The following TCTN2 variants were observed in gnomAD, a reference collection of about 807,000 sequenced individuals.
TCTN2 encodes the protein tectonic-2.
A neutral mutation model predicts 83.4 loss-of-function variants in TCTN2; 66 were observed. That is an observed-to-expected ratio of 0.79 (90% CI 0.65 to 0.97). The LOEUF (loss-of-function observed/expected upper bound fraction) is 0.97, where lower values mean the gene tolerates loss of function less well. Ranked by LOEUF, TCTN2 falls within the 50% of genes least tolerant of loss-of-function variation. TCTN2 has a pLI of 0.00. For synonymous variants in TCTN2, 301 were observed against 326.7 expected (o/e 0.92, Z 0.85); for missense variants, 794 against 858.1 (o/e 0.93, Z 0.93).
chr12:123,697,394 T>G (rs1007353420), intron 13 of TCTN2, among the ~76,000 whole-genome samples, 196 bp downstream of exon 13: 3 of 152,254 alleles, frequency 2.0e-5, no homozygotes, highest in Admixed American at 6.5e-5. Context: ...AAACTTTTTC[T>G]TGGGACTAAA....
intron 4 of TCTN2, among the ~76,000 whole-genome samples, chr12:123,677,872 C>T (rs1158872190): frequency 1.3e-5 from 2 of 152,148 alleles, no homozygotes; most frequent in African/African-American, 4.8e-5. Context: ...TCAGGTGATT[C>T]CCCCGCCTTG....
At position 123,706,982 on chromosome 12, in the gene TCTN2, T is replaced by C. The variant is rs770744146; in HGVS notation, c.1896-3T>C. On this transcript the variant is annotated splice_polypyrimidine_tract_variant and splice_region_variant and intron_variant, in intron 16 of 17. Coordinates refer to ENST00000303372, the MANE Select transcript of TCTN2 (RefSeq NM_024809.5). ...TTTTGTAACCCTCTAAAATGTTTTC[T>C]AGATTCCAGATCAATTATACAGAGT... 6.2e-7 allele frequency: 1 copy of C among 1,614,166 alleles called. No homozygotes were observed. Among genetic ancestry groups the C allele is most frequent in the South Asian group, 1.1e-5 (1 of 91,080 alleles).
chr12:123,676,798 T>A (rs1235908946), intron 4 of TCTN2, among the ~76,000 whole-genome samples: 1 of 152,042 alleles, frequency 6.6e-6, no homozygotes, highest in African/African-American at 2.4e-5. Context: ...CCAGTAACAA[T>A]GAAGCCAGCG....
At chr12:123,683,100 G>A (rs925833942) in intron 5 of TCTN2, among the ~76,000 whole-genome samples, 23 of 151,430 alleles carry the variant, frequency 1.5e-4, no homozygotes, top group Admixed American at 1.5e-3. Flanking sequence ...GCCGGTGCCT[G>A]TAGTCCCAGC....
chr12:123,706,682 A>G (rs2135862200), intron 15 of TCTN2, 44 bp from the exon 16 acceptor site: 2 of 1,613,526 alleles, frequency 1.2e-6, no homozygotes, highest in East Asian at 2.2e-5. Flanking sequence ...GGTGGAATAG[A>G]ACTGAATGGT....
chr12:123,704,572 C>T lies in TCTN2; in HGVS notation c.1653C>T (p.Ser551=). ...APDPGADPLA[S]SVNGMCLDIP... ...ATCCAGGTGCAGACCCGCTGGCTAG[C>T]AGTGTGAACGGCATGTGCCTGGATA... Residue 551 remains serine (S), a synonymous_variant, in exon 15 of 18, where the codon AGC becomes AGT. Transcript: ENST00000303372. The T allele has an allele frequency of 6.2e-7, 1 of 1,613,304 alleles. No individual in the cohort carries two copies. Among genetic ancestry groups the T allele is most frequent in the Non-Finnish European group, 8.5e-7 (1 of 1,179,864 alleles).
At chr12:123,684,248 G>A (rs1446226166) in intron 5 of TCTN2, among the ~76,000 whole-genome samples, 1 of 151,926 alleles carries the variant, frequency 6.6e-6, no homozygotes, top group Non-Finnish European at 1.5e-5. Context: ...GTTTCCTTTG[G>A]TTTTTTTGGT....
chr12:123,676,375 T>C (rs1278465036), intron 4 of TCTN2, among the ~76,000 whole-genome samples: 1 of 151,934 alleles, frequency 6.6e-6, no homozygotes, highest in Non-Finnish European at 1.5e-5. Context: ...GAGACCATTC[T>C]GGCTAACACG....
Position 123,697,069 on chromosome 12 carries a change from A to G in TCTN2, c.1394-18A>G. The stretch of plus-strand genomic sequence containing the variant: ...GTTTAGCAAAAAGTAGCAAGAGGAT[A>G]ATCTTTTTCTTTTATAGCTGGAAGG... On this transcript the variant is annotated intron_variant, in intron 12 of 17. Transcript: ENST00000303372. 6.3e-7 allele frequency: 1 copy of G among 1,587,470 alleles called. No individual in the cohort carries two copies. Among genetic ancestry groups the G allele is most frequent in the Middle Eastern group, 1.7e-4 (1 of 6,012 alleles).
intron 5 of TCTN2, among the ~76,000 whole-genome samples, chr12:123,684,399 C>CTT (rs528065302): frequency 1.2e-3 from 151 of 127,796 alleles, no homozygotes; most frequent in African/African-American, 4.1e-3. Flanking sequence ...TATTGTCATT[C>CTT]TTTTTTTTTT....
chr12:123,690,583 C>A lies in TCTN2; in HGVS notation c.942C>A (p.His314Gln). ...CMQNAPVAFL[H>Q]NFDVKCVTNL... ...AGAACGCCCCAGTGGCATTTCTTCA[C>A]AATTTTGATGTTAAATGCGTTACTA... is the stretch of plus-strand genomic sequence containing the variant. Residue 314 changes from histidine (H) to glutamine (Q), a missense_variant, in exon 8 of 18, where the codon CAC becomes CAA. His to Gln is a conservative substitution (Grantham distance 24, BLOSUM62 0). Coordinates refer to ENST00000303372, the MANE Select transcript of TCTN2 (RefSeq NM_024809.5). 6.2e-7 allele frequency: 1 copy of A among 1,614,180 alleles called. No individual in the cohort carries two copies. Among genetic ancestry groups the A allele is most frequent in the Non-Finnish European group, 8.5e-7 (1 of 1,180,034 alleles).
chr12:123,687,297 T>C (rs1274406907), intron 6 of TCTN2, among the ~76,000 whole-genome samples: 1 of 152,172 alleles, frequency 6.6e-6, no homozygotes, highest in Non-Finnish European at 1.5e-5. Context: ...TGGTGGCTCA[T>C]GGGAGATTTT....
intron 9 of TCTN2, among the ~76,000 whole-genome samples, chr12:123,693,854 G>T (rs1243780955): frequency 6.7e-6 from 1 of 150,250 alleles, no homozygotes; most frequent in Non-Finnish European, 1.5e-5. Flanking sequence ...GTCTTGCTCT[G>T]TCGCCCAGGC....
intron 10 of TCTN2, 107 bp downstream of exon 10, chr12:123,695,083 C>T (rs945876277): frequency 2.0e-6 from 3 of 1,493,636 alleles, no homozygotes; most frequent in Non-Finnish European, 2.8e-6. Flanking sequence ...GGACTTGTTT[C>T]TTATGTGCAT....
In TCTN2 at chr12:123,686,779, G is replaced by A. The variant is rs910833348; in HGVS notation, c.565-57G>A. 11 of 1,562,880 alleles carry A rather than the reference G, an allele frequency of 7.0e-6. No individual in the cohort carries two copies. The African/African-American group carries it at 8.1e-5, about 12-fold the overall frequency. ...TTAAATAAGAGTTAGCATTCGCTAC[G>A]CTTGCCAGGAGATCCTGACCACGGT... On this transcript the variant is annotated intron_variant, in intron 5 of 17. Coordinates refer to ENST00000303372, the MANE Select transcript of TCTN2 (RefSeq NM_024809.5).
At chr12:123,696,636 C>G (rs1041900151) in intron 12 of TCTN2, 141 bp downstream of exon 12, 4 of 769,842 alleles carry the variant, frequency 5.2e-6, no homozygotes, top group African/African-American at 1.7e-5. Context: ...TGCTGAATAA[C>G]AGTGATGATG....
intron 17 of TCTN2, 149 bp downstream of exon 17, chr12:123,707,222 T>G (rs1956241347): frequency 9.7e-6 from 7 of 722,556 alleles, no homozygotes; most frequent in Non-Finnish European, 4.7e-6. Context: ...TGATCACCAT[T>G]ACTGTTTTGG....
intron 12 of TCTN2, chr12:123,696,850 T>C (rs1334210661): frequency 1.8e-6 from 1 of 550,334 alleles, no homozygotes; most frequent in Non-Finnish European, 3.2e-6. Context: ...CAGTGGTAAT[T>C]ACGCACACCT....
intron 13 of TCTN2, among the ~76,000 whole-genome samples, chr12:123,699,055 A>C (rs1023285588): frequency 6.6e-6 from 1 of 152,136 alleles, no homozygotes; most frequent in African/African-American, 2.4e-5. Context: ...TGGCCCACGA[A>C]TGTATCCTGC....
Sources: allele counts gnomAD v4.1 joint callset (sites outside exome capture counted in the v4.1 genomes callset), GRCh38; gene constraint gnomAD v4.1.1; transcripts MANE v1.5; gene names NCBI Gene and HGNC (gene_info 2026-07-23, HGNC 2026-07-21).